The following SRGAP3 variants were observed in gnomAD, a reference collection of about 807,000 sequenced individuals.
SRGAP3 encodes SLIT-ROBO Rho GTPase activating protein 3.
SRGAP3 carries 39 observed loss-of-function variants against 121.1 expected under a neutral mutation model. The ratio of observed to expected loss-of-function variants is 0.32; its 90% confidence interval spans 0.25 to 0.42. The LOEUF (loss-of-function observed/expected upper bound fraction) is 0.42. Among genes scored for constraint, SRGAP3 ranks in the 10% least tolerant of loss-of-function variants. The pLI, the probability that SRGAP3 is intolerant of heterozygous loss-of-function variation, is 1.00. For synonymous variants in SRGAP3, 601 were observed against 570.0 expected (o/e 1.05, Z -0.77); for missense variants, 1,213 against 1,470.6 (o/e 0.82, Z 2.86).
intron 1 of SRGAP3, among the ~76,000 whole-genome samples, chr3:9,127,550 C>G (rs537604678): frequency 2.0e-5 from 3 of 152,170 alleles, no homozygotes; most frequent in African/African-American, 7.2e-5. Flanking sequence ...TGGGTTCAAG[C>G]GATCCTCCTG....
intron 1 of SRGAP3, among the ~76,000 whole-genome samples, chr3:9,214,191 G>C (rs1043442014): frequency 1.4e-5 from 2 of 147,824 alleles, no homozygotes; most frequent in African/African-American, 4.9e-5. Flanking sequence ...ACGATCACTG[G>C]TAACCAGAAC....
intron 1 of SRGAP3, among the ~76,000 whole-genome samples, chr3:9,201,216 C>A (rs1952059064): frequency 1.3e-5 from 2 of 152,220 alleles, no homozygotes; most frequent in Admixed American, 1.3e-4. Flanking sequence ...CTTGCCCTCT[C>A]AACCACCACC....
chr3:9,037,881 G>A (rs1944834757), intron 11 of SRGAP3, 182 bp downstream of exon 11: 1 of 791,158 alleles, frequency 1.3e-6, no homozygotes, highest in Admixed American at 2.3e-5. Flanking sequence ...GGCTTTGTCA[G>A]TCTAATGCTA....
At chr3:8,999,200 G>T (rs1942599629) in intron 18 of SRGAP3, among the ~76,000 whole-genome samples, 1 of 152,184 alleles carries the variant, frequency 6.6e-6, no homozygotes, top group Non-Finnish European at 1.5e-5. Context: ...GTAGGGGCCT[G>T]GCTGGAGTCA....
At chr3:9,170,083 T>C (rs763508252) in intron 1 of SRGAP3, among the ~76,000 whole-genome samples, 2 of 152,180 alleles carry the variant, frequency 1.3e-5, no homozygotes, top group African/African-American at 2.4e-5. Flanking sequence ...GTAAAGCACC[T>C]GACACCGCCC....
intron 1 of SRGAP3, among the ~76,000 whole-genome samples, chr3:9,226,070 T>TA (rs929303198): frequency 5.3e-5 from 8 of 151,604 alleles, no homozygotes; most frequent in Non-Finnish European, 8.8e-5. Flanking sequence ...AGTTCAGCTT[T>TA]AAAAAAAAAT....
chr3:9,314,569 G>C (rs1955310727), intron 3 of SRGAP3, among the ~76,000 whole-genome samples: 1 of 152,132 alleles, frequency 6.6e-6, no homozygotes. Context: ...TCCCTGCAAT[G>C]AAAGAGATGT....
intron 3 of SRGAP3, among the ~76,000 whole-genome samples, chr3:9,289,673 C>T (rs1954840377): frequency 6.6e-6 from 1 of 152,202 alleles, no homozygotes; most frequent in Non-Finnish European, 1.5e-5. Context: ...ATCACCCTCA[C>T]ACTAAATTAC....
chr3:9,339,380 A>T (rs1337413344), intron 1 of SRGAP3, among the ~76,000 whole-genome samples: 1 of 152,244 alleles, frequency 6.6e-6, no homozygotes, highest in Non-Finnish European at 1.5e-5. Flanking sequence ...TTTTAAAAAA[A>T]TCAAATGATG....
Position 9,079,760 on chromosome 3 carries a change from TAAC to T in SRGAP3, c.486+262_486+264del, listed in dbSNP as rs746916927. ...ACTTTGTGCCCTCTGTTCTTGCAGG[TAAC>T]ACGCCCCACAGCGGCAGGTCGTTTG... On this transcript the variant is annotated intron_variant, in intron 4 of 21. Transcript: ENST00000383836. Among the ~76,000 whole-genome samples the T allele has an allele frequency of 6.5e-3, 992 of 152,302 alleles. 6 individuals carry two copies. The highest frequency in any genetic ancestry group is 0.014 in the Middle Eastern group (4 of 294).
intron 17 of SRGAP3, among the ~76,000 whole-genome samples, chr3:9,010,982 C>T (rs1379030096): frequency 6.6e-6 from 1 of 152,150 alleles, no homozygotes; most frequent in African/African-American, 2.4e-5. Flanking sequence ...TCACCAGCTA[C>T]TACCCCCTCA....
At chr3:9,242,534 C>T (rs868294731) in intron 1 of SRGAP3, among the ~76,000 whole-genome samples, 31 of 152,270 alleles carry the variant, frequency 2.0e-4, no homozygotes, top group Middle Eastern at 3.4e-3. Flanking sequence ...ACTCGGTAGG[C>T]TGAGGCGGGA....
chr3:8,991,077 G>C (rs538807561), intron 20 of SRGAP3, among the ~76,000 whole-genome samples: 3 of 152,234 alleles, frequency 2.0e-5, no homozygotes, highest in Non-Finnish European at 4.4e-5. Context: ...GGTGCTTCCA[G>C]GCCACAGACA....
At chr3:9,344,135 C>A (rs933360517) in intron 1 of SRGAP3, among the ~76,000 whole-genome samples, 1 of 151,998 alleles carries the variant, frequency 6.6e-6, no homozygotes, top group African/African-American at 2.4e-5. Flanking sequence ...GCCTGGCCAA[C>A]GTGGTGAAAG....
At chr3:9,141,558 GTGT>G (rs2125033665) in intron 1 of SRGAP3, among the ~76,000 whole-genome samples, 1 of 33,180 alleles carries the variant, frequency 3.0e-5, no homozygotes, top group East Asian at 8.3e-4. Flanking sequence ...TCAGGGGTGT[GTGT>G]GTGTGTGTGT....
intron 12 of SRGAP3, among the ~76,000 whole-genome samples, chr3:9,029,705 C>A (rs1294396099): frequency 1.3e-5 from 2 of 152,142 alleles, no homozygotes; most frequent in Non-Finnish European, 2.9e-5. Flanking sequence ...ATTATACTGC[C>A]TTTTCATTCT....
At chr3:9,028,391 C>G (rs913134816) in intron 12 of SRGAP3, among the ~76,000 whole-genome samples, 13 of 152,170 alleles carry the variant, frequency 8.5e-5, no homozygotes, top group Non-Finnish European at 5.9e-5. Context: ...CAGACACCAG[C>G]TGACATGGGG....
intron 18 of SRGAP3, among the ~76,000 whole-genome samples, chr3:9,008,698 G>T (rs1316524273): frequency 6.6e-6 from 1 of 152,206 alleles, no homozygotes; most frequent in Non-Finnish European, 1.5e-5. Context: ...CCTCAGTTCA[G>T]GATGACTTTA....
At chr3:9,029,625 T>G (rs1335100418) in intron 12 of SRGAP3, among the ~76,000 whole-genome samples, 1 of 152,256 alleles carries the variant, frequency 6.6e-6, no homozygotes, top group East Asian at 1.9e-4. Context: ...TAGTTCAATG[T>G]TCTTTCAGAA....
Sources: allele counts gnomAD v4.1 joint callset (sites outside exome capture counted in the v4.1 genomes callset), GRCh38; gene constraint gnomAD v4.1.1; transcripts MANE v1.5; gene names NCBI Gene and HGNC (gene_info 2026-07-23, HGNC 2026-07-21).